TPM2: variants seen among roughly 807,000 people sequenced by gnomAD.
TPM2 encodes tropomyosin beta chain.
Under a neutral mutation model 41.0 loss-of-function variants are expected in TPM2, and 26 were observed. That is an observed-to-expected ratio of 0.63 (90% CI 0.46 to 0.88). The LOEUF is 0.88. TPM2 is among the 40% of genes least tolerant of loss of function. The pLI, the probability that TPM2 is intolerant of heterozygous loss-of-function variation, is 0.00. For missense variants in TPM2, 187 were observed against 355.2 expected (o/e 0.53, Z 3.81); for synonymous variants, 143 against 139.3 (o/e 1.03, Z -0.19).
At position 35,685,295 on chromosome 9, in the gene TPM2, C is replaced by G; in HGVS notation, c.537G>C (p.Ser179=). 1 of 1,614,208 alleles carries G rather than the reference C, an allele frequency of 6.2e-7. No homozygotes were observed. Among genetic ancestry groups the G allele is most frequent in the Non-Finnish European group, 8.5e-7 (1 of 1,180,036 alleles). The change falls in exon 5 of 9, where the codon TCG becomes TCC. Residue 179 remains serine (S), a synonymous_variant. Coordinates refer to ENST00000645482, the MANE Select transcript of TPM2 (RefSeq NM_003289.4). The surrounding 1 kb of genome is among the most constrained non-coding windows in gnomAD (Gnocchi z 5.0). ...TCTCGGCCACCTCAGCCCTCTCCTC[C>G]GAGCGCTCCAGCTCTCCTTCCAGGA... ...LVILEGELER[S]EERAEVAESK...
chr9:35,685,932 C>T lies in TPM2; in HGVS notation c.241-152G>A, dbSNP rs1292134726. On this transcript the variant is annotated intron_variant, in intron 2 of 8. Coordinates refer to ENST00000645482, the MANE Select transcript of TPM2 (RefSeq NM_003289.4). The surrounding 1 kb of genome is among the most constrained non-coding windows in gnomAD (Gnocchi z 5.0). The stretch of plus-strand genomic sequence containing the variant: ...TGATTTTTCCCCAACCAATCATCTT[C>T]TGCCCAGACTGTGCTCCAGTAAAAA... The T allele has an allele frequency of 1.1e-5, 15 of 1,329,822 alleles. No homozygotes were observed. Among genetic ancestry groups the T allele is most frequent in the Non-Finnish European group, 1.5e-5 (14 of 958,050 alleles). The allele number at this position is 1,329,822 out of a possible 1,614,324, so 82.4% of individuals were successfully genotyped here. A position where few individuals can be genotyped will look rare whatever the true frequency, so the allele number is the denominator to read the frequency against.
chr9:35,686,606 C>G (rs1824924083), intron 2 of TPM2, among the ~76,000 whole-genome samples: 1 of 138,878 alleles, frequency 7.2e-6, no homozygotes, highest in Non-Finnish European at 1.5e-5. Flanking sequence ...CCCAGGAGCC[C>G]TGCCTGGGAA....
rs369629567 is a variant in TPM2 at position 35,685,029 on chromosome 9, C to G, written c.564-222G>C. On this transcript the variant is annotated intron_variant, in intron 5 of 8. Transcript: ENST00000645482. The surrounding 1 kb of genome is among the most constrained non-coding windows in gnomAD (Gnocchi z 5.0). ...GGAGGGAAGGTGAGCTGAGAGAAGG[C>G]GCCATTGCCCAGAAAGGTTCAGAGG... 1 of 1,614,062 alleles carries G rather than the reference C, an allele frequency of 6.2e-7. No individual in the cohort carries two copies. Among genetic ancestry groups the G allele is most frequent in the Non-Finnish European group, 8.5e-7 (1 of 1,180,026 alleles).
At chr9:35,682,924 C>A, downstream of TPM2, 1 of 1,497,310 alleles carries the variant, frequency 6.7e-7, no homozygotes, top group Non-Finnish European at 9.0e-7. Flanking sequence ...AGGAAAACAG[C>A]ATGGAGACCA....
At chr9:35,689,019 G>A in intron 2 of TPM2, 127 bp downstream of exon 2, 1 of 1,170,514 alleles carries the variant, frequency 8.5e-7, no homozygotes, top group Admixed American at 1.8e-5. Context: ...TTACTGAGAT[G>A]AAACCATTTC....
Position 35,689,150 on chromosome 9 carries a change from G to A in TPM2, c.236C>T (p.Thr79Ile). Residue 79 changes from threonine (T) to isoleucine (I), a missense_variant, in exon 2 of 9, where the codon ACT (threonine) becomes ATT (isoleucine). Thr to Ile is a moderately conservative substitution (Grantham distance 89, BLOSUM62 -1). Coordinates refer to ENST00000645482, the MANE Select transcript of TPM2 (RefSeq NM_003289.4). ...EKLEQAEKKA[T>I]DAEADVASLN... ...GTCCCCCAAGTCCACACTCACATCA[G>A]TGGCCTTCTTCTCGGCCTGCTCCAG... The A allele has an allele frequency of 6.2e-7, 1 of 1,614,150 alleles. No individual in the cohort carries two copies. The highest frequency in any genetic ancestry group is 1.1e-5 in the South Asian group (1 of 91,082).
At chr9:35,689,338 T>C in intron 1 of TPM2, 67 bp from the exon 2 acceptor site, 2 of 1,600,266 alleles carry the variant, frequency 1.2e-6, no homozygotes, top group South Asian at 1.1e-5. Context: ...AGACGCGGTG[T>C]GTGTAGGGGC....
At chr9:35,687,592 G>A (rs1276542130) in intron 2 of TPM2, among the ~76,000 whole-genome samples, 1 of 152,006 alleles carries the variant, frequency 6.6e-6, no homozygotes, top group Non-Finnish European at 1.5e-5. Context: ...AGGTGCTGAA[G>A]GCACCTGGAG....
Position 35,683,184 on chromosome 9 carries a change from G to A in TPM2, c.830C>T (p.Ala277Val), listed in dbSNP as rs1824673399. The change falls in exon 9 of 9, where the codon GCA (alanine) becomes GTA (valine). Residue 277 changes from alanine to valine, a missense_variant. Transcript: ENST00000645482. ...YKAISEELDN[A>V]LNDITSL ...TCAGAGGGAGGTGATGTCATTGAGT[G>A]CGTTGTCCAGTTCCTCGCTAATGGC... The A allele has an allele frequency of 1.9e-6, 3 of 1,557,886 alleles. No individual in the cohort carries two copies. The highest frequency in any genetic ancestry group is 1.9e-5 in the Admixed American group (1 of 52,428).
At chr9:35,688,001 T>C (rs1407173752) in intron 2 of TPM2, among the ~76,000 whole-genome samples, 2 of 152,030 alleles carry the variant, frequency 1.3e-5, no homozygotes, top group South Asian at 2.1e-4. Context: ...TGGGCAGTCT[T>C]TCCTATCTGC....
In TPM2 at chr9:35,689,262, C is replaced by A; in HGVS notation, c.124G>T (p.Glu42Ter). 6.2e-7 allele frequency: 1 copy of A among 1,614,206 alleles called. No homozygotes were observed. The highest frequency in any genetic ancestry group is 2.2e-5 in the East Asian group (1 of 44,888). The change falls in exon 2 of 9, where the codon GAG (glutamate) becomes TAG (stop). Residue 42 changes from glutamate to a stop codon, truncating the protein, a stop_gained. Transcript: ENST00000645482. LOFTEE classifies it high-confidence loss of function. ...AEDRCKQLEEEQQALQKKLKG... is the reference protein window; with the variant it reads ...AEDRCKQLEE ...AGCTTCTTCTGGAGGGCCTGCTGCT[C>A]CTCCTCCAGCTGGGACAGAGGGGAC...
At chr9:35,683,856 C>A (rs1414195951) in intron 8 of TPM2, among the ~76,000 whole-genome samples, 1 of 152,192 alleles carries the variant, frequency 6.6e-6, no homozygotes, top group Non-Finnish European at 1.5e-5. Context: ...AACTCTACTG[C>A]GTTACACTCG....
rs112525729 is a variant in TPM2 at position 35,685,142 on chromosome 9, G to T, written c.563+127C>A. The T allele has an allele frequency of 1.9e-6, 3 of 1,614,140 alleles. No homozygotes were observed. Among genetic ancestry groups the T allele is most frequent in the Non-Finnish European group, 2.5e-6 (3 of 1,179,996 alleles). On this transcript the variant is annotated intron_variant, in intron 5 of 8. Coordinates refer to ENST00000645482, the MANE Select transcript of TPM2 (RefSeq NM_003289.4). The surrounding 1 kb of genome is among the most constrained non-coding windows in gnomAD (Gnocchi z 5.0). ...CCTCCTCCAGCTGTCTGGCTCGGCTGGGGGCAGCGGGCAGGGGTCAGAGAA... is the reference window on the plus strand; with the variant it reads ...CCTCCTCCAGCTGTCTGGCTCGGCTTGGGGCAGCGGGCAGGGGTCAGAGAA...
chr9:35,684,383 C>G, intron 7 of TPM2, 68 bp from the exon 8 acceptor site: 1 of 1,611,408 alleles, frequency 6.2e-7, no homozygotes, highest in Non-Finnish European at 8.5e-7. Flanking sequence ...CTGCCTAAGT[C>G]AAGCTTCTTG....
At chr9:35,684,105 T>A in intron 8 of TPM2, 141 bp downstream of exon 8, 1 of 790,972 alleles carries the variant, frequency 1.3e-6, no homozygotes, top group Non-Finnish European at 2.2e-6. Flanking sequence ...ATTGTAGACA[T>A]GGCCCACAGA....
chr9:35,687,006 C>G (rs1824958048), intron 2 of TPM2, among the ~76,000 whole-genome samples: 1 of 152,250 alleles, frequency 6.6e-6, no homozygotes, highest in African/African-American at 2.4e-5. Flanking sequence ...AGCCACGGCT[C>G]AGCCACTCAA....
chr9:35,689,761 G>A lies in TPM2; in HGVS notation c.57C>T (p.Ile19=). 3.7e-6 allele frequency: 6 copies of A among 1,613,798 alleles called. No homozygotes were observed. Among genetic ancestry groups the A allele is most frequent in the Non-Finnish European group, 5.1e-6 (6 of 1,179,752 alleles). The change falls in exon 1 of 9, where the codon ATC becomes ATT. Residue 19 remains isoleucine, a synonymous_variant. Coordinates refer to ENST00000645482, the MANE Select transcript of TPM2 (RefSeq NM_003289.4). Reference sequence around the variant, plus strand: ...CGGCTTCGGCCTGCTCGGCGCGGTCGATGGCGTTCTCCTTGTCCAGCTTCA... The same window carrying A: ...CGGCTTCGGCCTGCTCGGCGCGGTCAATGGCGTTCTCCTTGTCCAGCTTCA... The part of the protein sequence containing the change: ...QMLKLDKENA[I]DRAEQAEADK...
Position 35,689,864 on chromosome 9 carries a change from G to C in TPM2, c.-47C>G, listed in dbSNP as rs771483748. 3 of 1,611,998 alleles carry C rather than the reference G, an allele frequency of 1.9e-6. No homozygotes were observed. Among genetic ancestry groups the C allele is most frequent in the South Asian group, 1.1e-5 (1 of 91,050 alleles). On this transcript the variant is annotated 5_prime_UTR_variant, in exon 1 of 9. Transcript: ENST00000645482. ...GGCCGGCAGGCGGTGAGGACCGGAC[G>C]GACTGGGCTGGGTGAGCGGACTGGG...
chr9:35,689,194 C>T lies in TPM2; in HGVS notation c.192G>A (p.Val64=), dbSNP rs1382163428. 1.9e-6 allele frequency: 3 copies of T among 1,614,098 alleles called. No individual in the cohort carries two copies. The highest frequency in any genetic ancestry group is 2.7e-5 in the African/African-American group (2 of 74,948). Reference sequence around the variant, plus strand: ...GCTCCAGTTTCTCCTGGGCCTCCTTCACGGATTCAGAATACTTTTCCACCT... The same window carrying T: ...GCTCCAGTTTCTCCTGGGCCTCCTTTACGGATTCAGAATACTTTTCCACCT... ...EDEVEKYSES[V]KEAQEKLEQA... is the part of the protein sequence containing the mutation. Residue 64 remains valine, a synonymous_variant, in exon 2 of 9, where the codon GTG becomes GTA. Coordinates refer to ENST00000645482, the MANE Select transcript of TPM2 (RefSeq NM_003289.4).
Sources: gnomAD v4.1 joint callset for allele counts (sites outside exome capture counted in the v4.1 genomes callset) on GRCh38, gnomAD v4.1.1 for gene constraint, Gnocchi (gnomAD v3.1) non-coding constraint, MANE v1.5 for transcripts, NCBI Gene and HGNC (gene_info 2026-07-23, HGNC 2026-07-21) for gene names.